Variants in RGS7BP observed in about 807,000 individuals in gnomAD.
The protein encoded by RGS7BP is regulator of G protein signaling 7-binding protein.
Under a neutral mutation model 31.3 loss-of-function variants are expected in RGS7BP, and 9 were observed. The ratio of observed to expected loss-of-function variants is 0.29; its 90% CI spans 0.17 to 0.50. The LOEUF is 0.50. Ranked by LOEUF, RGS7BP falls within the 20% of genes least tolerant of loss-of-function variation. The pLI, the probability that RGS7BP is intolerant of heterozygous loss-of-function variation, is 0.98. For missense variants in RGS7BP, 274 were observed against 322.0 expected, an observed-to-expected ratio of 0.85 and a Z score of 1.14; for synonymous variants, 115 against 120.1, an observed-to-expected ratio of 0.96 and a Z score of 0.28.
At chr5:64,546,573 T>C (rs1433720137) in intron 2 of RGS7BP, among the ~76,000 whole-genome samples, 1 of 151,936 alleles carries the variant, frequency 6.6e-6, no homozygotes. Context: ...TGAAACAAGA[T>C]GGGGAGGTGA....
At chr5:64,595,975 G>A (rs1007742948) in intron 4 of RGS7BP, among the ~76,000 whole-genome samples, 4 of 152,074 alleles carry the variant, frequency 2.6e-5, no homozygotes, top group African/African-American at 4.8e-5. Flanking sequence ...GTTTGGCACC[G>A]TTTGATGGCA....
At chr5:64,517,836 C>A (rs1362676438) in intron 2 of RGS7BP, among the ~76,000 whole-genome samples, 1 of 152,048 alleles carries the variant, frequency 6.6e-6, no homozygotes, top group African/African-American at 2.4e-5. Flanking sequence ...TGGGATAGAG[C>A]CTGCAAGGAG....
chr5:64,534,338 A>G (rs972662398), intron 2 of RGS7BP, among the ~76,000 whole-genome samples: 5 of 152,216 alleles, frequency 3.3e-5, no homozygotes, highest in Admixed American at 2.0e-4. Context: ...GCTAGGTCAC[A>G]AGAAAGAGTG....
intron 1 of RGS7BP, among the ~76,000 whole-genome samples, chr5:64,507,313 T>A (rs978031151): frequency 6.6e-6 from 1 of 152,012 alleles, no homozygotes; most frequent in Non-Finnish European, 1.5e-5. Context: ...CCCCCGCCCC[T>A]CCCGCCGTGC....
rs1289358860 is a variant in RGS7BP, at chr5:64,506,929, A to G, written c.165+140A>G. ...ATGCCGATCACGTGGCACATGCACT[A>G]TTTTTAAATCTGCAGTCCCCCAAAT... On this transcript the variant is annotated intron_variant, in intron 1 of 5. Transcript: ENST00000334025. The surrounding 1 kb of genome is among the most constrained non-coding windows in gnomAD (Gnocchi z 4.6). 3.9e-6 allele frequency: 3 copies of G among 774,488 alleles called. No individual in the cohort carries two copies. Among genetic ancestry groups the G allele is most frequent in the Non-Finnish European group, 6.0e-6 (3 of 496,168 alleles). The allele number at this position is 774,488 out of a possible 1,614,324, so 48.0% of individuals were successfully genotyped here.
At chr5:64,553,202 T>TA (rs1741839080) in intron 2 of RGS7BP, among the ~76,000 whole-genome samples, 1 of 138,412 alleles carries the variant, frequency 7.2e-6, no homozygotes, top group South Asian at 2.5e-4. Context: ...AAACGGAGTC[T>TA]CACTCTGTCA....
At chr5:64,594,103 C>T (rs1165164768) in intron 3 of RGS7BP, among the ~76,000 whole-genome samples, 2 of 152,140 alleles carry the variant, frequency 1.3e-5, no homozygotes, top group African/African-American at 4.8e-5. Flanking sequence ...ATGGCATTCA[C>T]ATTTGAGTTG....
intron 3 of RGS7BP, among the ~76,000 whole-genome samples, chr5:64,593,506 T>A (rs552596920): frequency 5.1e-4 from 77 of 152,324 alleles, no homozygotes; most frequent in African/African-American, 1.7e-3. Context: ...ATATGGGCTG[T>A]AACAATTACT....
chr5:64,542,762 C>G (rs1026824943), intron 2 of RGS7BP, among the ~76,000 whole-genome samples: 7 of 152,174 alleles, frequency 4.6e-5, no homozygotes, highest in African/African-American at 1.4e-4. Flanking sequence ...AATCTGAGCT[C>G]TATGTCTAGA....
chr5:64,516,676 C>T (rs569962105), intron 2 of RGS7BP, among the ~76,000 whole-genome samples: 1 of 152,292 alleles, frequency 6.6e-6, no homozygotes, highest in Non-Finnish European at 1.5e-5. Context: ...ACCAAAACCT[C>T]TGGGGAGGTA....
intron 2 of RGS7BP, among the ~76,000 whole-genome samples, chr5:64,540,384 T>C (rs926599179): frequency 7.9e-5 from 12 of 152,180 alleles, no homozygotes; most frequent in Non-Finnish European, 1.6e-4. Context: ...TTCTTTTTTT[T>C]AACCAACCAA....
intron 3 of RGS7BP, among the ~76,000 whole-genome samples, chr5:64,579,944 T>C (rs1167856646): frequency 2.0e-5 from 3 of 152,202 alleles, no homozygotes; most frequent in Non-Finnish European, 2.9e-5. Context: ...GCATAGAAAA[T>C]GTCAGCTGGT....
chr5:64,529,397 C>T (rs892436437), intron 2 of RGS7BP, among the ~76,000 whole-genome samples: 3 of 152,110 alleles, frequency 2.0e-5, no homozygotes, highest in African/African-American at 7.2e-5. Flanking sequence ...TTGTCAGGCT[C>T]AAGATCCAAG....
In RGS7BP at chr5:64,598,346, C is replaced by T. The variant is rs777148258; in HGVS notation, c.612-19C>T. ...GAAAATTTACAGCTGATTATTCTGT[C>T]TTTTTATCAATTTTACAGAGACATG... On this transcript the variant is annotated intron_variant, in intron 4 of 5. Coordinates refer to ENST00000334025, the MANE Select transcript of RGS7BP (RefSeq NM_001029875.3). 3.5e-6 allele frequency: 5 copies of T among 1,419,094 alleles called. No homozygotes were observed. The highest frequency in any genetic ancestry group is 3.0e-6 in the Non-Finnish European group (3 of 1,002,920). The allele number at this position is 1,419,094 out of a possible 1,614,324, so 87.9% of individuals were successfully genotyped here.
In RGS7BP at chr5:64,594,758, A is replaced by G. The variant is rs760559961; in HGVS notation, c.512A>G (p.Glu171Gly). The G allele has an allele frequency of 1.2e-6, 2 of 1,613,706 alleles. No homozygotes were observed. Among genetic ancestry groups the G allele is most frequent in the Admixed American group, 3.3e-5 (2 of 59,962 alleles). The change falls in exon 4 of 6, where the codon GAG becomes GGG. Residue 171 changes from glutamate (E) to glycine (G), a missense_variant. Coordinates refer to ENST00000334025, the MANE Select transcript of RGS7BP (RefSeq NM_001029875.3). The part of the protein sequence containing the change: ...GTKSLDCKIE[E>G]SAETPALEDS... ...AAGAGTTTGGATTGCAAAATTGAGG[A>G]GAGTGCTGAAACACCTGCCCTAGAA...
chr5:64,533,947 A>G (rs1243057445), intron 2 of RGS7BP, among the ~76,000 whole-genome samples: 4 of 152,352 alleles, frequency 2.6e-5, no homozygotes. Flanking sequence ...CAGAGGGGAC[A>G]TATGATAAAT....
In RGS7BP at chr5:64,581,791, G is replaced by C. The variant is rs1389397374; in HGVS notation, c.463+5887G>C. On this transcript the variant is annotated intron_variant, in intron 3 of 5. Coordinates refer to ENST00000334025, the MANE Select transcript of RGS7BP (RefSeq NM_001029875.3). ...CTTCTGAATTTTTGCTGTCTCATAA[G>C]TCTGATTGGTACAATCTACTTGGAA... Among the ~76,000 whole-genome samples, 6 of 152,228 alleles carry C rather than the reference G, an allele frequency of 3.9e-5. No individual in the cohort carries two copies. The East Asian group carries it at 9.6e-4, about 24-fold the overall frequency.
At chr5:64,559,733 G>A (rs73111063) in intron 2 of RGS7BP, among the ~76,000 whole-genome samples, 2,478 of 152,184 alleles carry the variant, frequency 0.016, 55 homozygotes, top group African/African-American at 0.055. Context: ...AAGCTTTACC[G>A]ATGCAGTACA....
chr5:64,608,085 A>G (rs1358350361), intron 5 of RGS7BP, among the ~76,000 whole-genome samples: 1 of 152,038 alleles, frequency 6.6e-6, no homozygotes, highest in Non-Finnish European at 1.5e-5. Flanking sequence ...CCACTCTGGA[A>G]GGAAAGTGCA....
Sources: allele counts gnomAD v4.1 joint callset (sites outside exome capture counted in the v4.1 genomes callset), GRCh38; gene constraint gnomAD v4.1.1; non-coding constraint Gnocchi (gnomAD v3.1); transcripts MANE v1.5; gene names NCBI Gene and HGNC (gene_info 2026-07-23, HGNC 2026-07-21).